Variants in STK31 observed in about 807,000 individuals in gnomAD.
The protein encoded by STK31 is serine/threonine kinase 31.
A neutral mutation model predicts 129.7 loss-of-function variants in STK31; 89 were observed. That is an observed-to-expected ratio of 0.69 (90% CI 0.58 to 0.82). The LOEUF (loss-of-function observed/expected upper bound fraction) is 0.82, where lower values mean the gene tolerates loss of function less well. STK31 is among the 40% of genes least tolerant of loss of function. The pLI is 0.00. For synonymous variants in STK31, 448 were observed against 395.3 expected, an observed-to-expected ratio of 1.13 and a Z score of -1.58; for missense variants, 1,187 against 1,176.4, an observed-to-expected ratio of 1.01 and a Z score of -0.13.
chr7:23,795,589 G>A (rs1454983615), intron 22 of STK31, among the ~76,000 whole-genome samples: 1 of 152,198 alleles, frequency 6.6e-6, no homozygotes, highest in Non-Finnish European at 1.5e-5. Context: ...TAGATCCACT[G>A]ACAGATCACA....
chr7:23,710,413 T>C, intron 1 of STK31, 78 bp downstream of exon 1: 7 of 1,606,968 alleles, frequency 4.4e-6, no homozygotes, highest in South Asian at 3.3e-5. Flanking sequence ...GTTTTAAGTC[T>C]CCAATCCTGG....
At chr7:23,713,863 TA>T (rs202001495) in intron 3 of STK31, among the ~76,000 whole-genome samples, 1,832 of 151,896 alleles carry the variant, frequency 0.012, 32 homozygotes, top group African/African-American at 0.041. Context: ...AAAATTATAG[TA>T]AAAAAAAATA....
chr7:23,824,509 G>C (rs1283819947), intron 23 of STK31, among the ~76,000 whole-genome samples: 15 of 152,096 alleles, frequency 9.9e-5, no homozygotes, highest in Admixed American at 8.5e-4. Context: ...CTGAGATGAT[G>C]GGGTTTTCTA....
intron 5 of STK31, 114 bp from the exon 6 acceptor site, chr7:23,728,977 G>T: frequency 1.1e-6 from 1 of 869,896 alleles, no homozygotes. Flanking sequence ...GTCATTTTGA[G>T]GTAAGAATGC....
chr7:23,823,517 G>T (rs1793919669), intron 23 of STK31, among the ~76,000 whole-genome samples: 1 of 151,996 alleles, frequency 6.6e-6, no homozygotes. Flanking sequence ...AGATGAGTAG[G>T]TTGCAAAAAT....
chr7:23,755,970 G>A (rs1431251172), intron 10 of STK31, among the ~76,000 whole-genome samples: 10 of 152,128 alleles, frequency 6.6e-5, no homozygotes, highest in Admixed American at 2.6e-4. Context: ...GATTATCTTG[G>A]CTATATGGGG....
intron 18 of STK31, among the ~76,000 whole-genome samples, chr7:23,786,105 C>T (rs1339605577): frequency 6.6e-6 from 1 of 151,982 alleles, no homozygotes; most frequent in Non-Finnish European, 1.5e-5. Flanking sequence ...GATATACTTT[C>T]CTTTTTTTTT....
intron 4 of STK31, chr7:23,726,545 A>C (rs1787093726): frequency 6.7e-6 from 1 of 149,108 alleles, no homozygotes; most frequent in South Asian, 2.2e-4. Flanking sequence ...GAGCTTGGAG[A>C]GGTTGAGTCA....
intron 7 of STK31, among the ~76,000 whole-genome samples, chr7:23,736,679 A>G (rs1314986742): frequency 6.6e-6 from 1 of 152,016 alleles, no homozygotes; most frequent in Non-Finnish European, 1.5e-5. Flanking sequence ...AGAAGTTGGA[A>G]TATTTTTTTT....
intron 15 of STK31, among the ~76,000 whole-genome samples, chr7:23,772,705 G>A (rs1359591133): frequency 6.6e-6 from 1 of 152,106 alleles, no homozygotes; most frequent in African/African-American, 2.4e-5. Flanking sequence ...ATGGATAGAT[G>A]TAATATTTCT....
At chr7:23,812,727 C>A (rs1793217318) in intron 22 of STK31, among the ~76,000 whole-genome samples, 1 of 151,898 alleles carries the variant, frequency 6.6e-6, no homozygotes. Context: ...TCCATATGCA[C>A]ATTTTATTTA....
chr7:23,716,988 G>A (rs1333768015), intron 3 of STK31, among the ~76,000 whole-genome samples: 1 of 149,278 alleles, frequency 6.7e-6, no homozygotes, highest in African/African-American at 2.5e-5. Context: ...TGTAGAGACA[G>A]GATTTCACCA....
At chr7:23,720,451 T>C (rs1224871523) in intron 4 of STK31, among the ~76,000 whole-genome samples, 2 of 152,206 alleles carry the variant, frequency 1.3e-5, no homozygotes, top group African/African-American at 4.8e-5. Context: ...TCACTCTTTC[T>C]GTGTCTTATC....
chr7:23,829,389 A>G (rs927490399), intron 23 of STK31, among the ~76,000 whole-genome samples: 3 of 152,116 alleles, frequency 2.0e-5, no homozygotes, highest in Admixed American at 6.6e-5. Context: ...CGTTTGCCAT[A>G]TGGTTTTTGC....
chr7:23,718,361 A>G (rs1417937896), intron 4 of STK31, among the ~76,000 whole-genome samples: 1 of 152,172 alleles, frequency 6.6e-6, no homozygotes, highest in Non-Finnish European at 1.5e-5. Flanking sequence ...ACTTGTATAC[A>G]GTAAGGTATA....
At chr7:23,778,867 G>C (rs1027622428) in intron 15 of STK31, among the ~76,000 whole-genome samples, 18 of 152,060 alleles carry the variant, frequency 1.2e-4, no homozygotes, top group African/African-American at 4.3e-4. Flanking sequence ...ATCCAGTTTT[G>C]TTCCGTTGCT....
chr7:23,717,464 A>G lies in STK31; in HGVS notation c.151-17A>G. On this transcript the variant is annotated splice_polypyrimidine_tract_variant and intron_variant, in intron 3 of 23. Coordinates refer to ENST00000355870, the MANE Select transcript of STK31 (RefSeq NM_031414.5). ...ATAATATTTTACTGTATCTTATACT[A>G]TATCTAATCTTTCTAGAGTATCAAT... 3 of 1,523,490 alleles carry G rather than the reference A, an allele frequency of 2.0e-6. No individual in the cohort carries two copies. The highest frequency in any genetic ancestry group is 2.7e-6 in the Non-Finnish European group (3 of 1,102,556). The allele number at this position is 1,523,490 out of a possible 1,614,324, so 94.4% of individuals were successfully genotyped here.
intron 6 of STK31, among the ~76,000 whole-genome samples, chr7:23,730,969 C>G (rs896355162): frequency 6.8e-6 from 1 of 146,394 alleles, no homozygotes; most frequent in Non-Finnish European, 1.5e-5. Context: ...ACTGCAACCT[C>G]CGCCTCTTGG....
intron 22 of STK31, 147 bp from the exon 23 acceptor site, chr7:23,814,997 A>G: frequency 1.9e-6 from 1 of 523,042 alleles, no homozygotes; most frequent in South Asian, 3.5e-5. Flanking sequence ...TTAGAATGAA[A>G]GTGCTTTTAC....
Sources: gnomAD v4.1 joint callset for allele counts (sites outside exome capture counted in the v4.1 genomes callset) on GRCh38, gnomAD v4.1.1 for gene constraint, MANE v1.5 for transcripts, NCBI Gene and HGNC (gene_info 2026-07-23, HGNC 2026-07-21) for gene names.